The following VNN2 variants were observed in gnomAD, a reference collection of about 807,000 sequenced individuals.
The protein encoded by VNN2 is vanin 2, also known as pantetheine hydrolase VNN2.
A neutral mutation model predicts 43.0 loss-of-function variants in VNN2; 43 were observed. That is an observed-to-expected ratio of 1.00 (90% CI 0.78 to 1.29). The LOEUF (loss-of-function observed/expected upper bound fraction) is 1.29. VNN2 is among the 50% of genes most tolerant of loss of function. The pLI, the probability that VNN2 is intolerant of heterozygous loss-of-function variation, is 0.00. For synonymous variants in VNN2, 230 were observed against 224.3 expected, an observed-to-expected ratio of 1.03 and a Z score of -0.23; for missense variants, 652 against 619.7, an observed-to-expected ratio of 1.05 and a Z score of -0.55.
At chr6:132,759,239 C>A (rs1780670463), upstream of VNN2, among the ~76,000 whole-genome samples, 1 of 151,906 alleles carries the variant, frequency 6.6e-6, no homozygotes, top group African/African-American at 2.4e-5. Flanking sequence ...GAGTTCAAGA[C>A]CAGCCTGGCC....
In VNN2 at chr6:132,751,536, G is replaced by A; in HGVS notation, c.827-18C>T. The A allele has an allele frequency of 6.3e-7, 1 of 1,585,938 alleles. No homozygotes were observed. On this transcript the variant is annotated intron_variant, in intron 4 of 6. Coordinates refer to ENST00000326499, the MANE Select transcript of VNN2 (RefSeq NM_004665.6). ...ACCACTTCCTGTGAATGAAAGACAA[G>A]TCTTCTAAAAACAACACCACACACA...
At chr6:132,751,904 G>A (rs920731453) in intron 4 of VNN2, among the ~76,000 whole-genome samples, 1 of 152,122 alleles carries the variant, frequency 6.6e-6, no homozygotes, top group Non-Finnish European at 1.5e-5. Flanking sequence ...CTTCTTTCTG[G>A]TGGGAGGATC....
In VNN2 at chr6:132,755,861, G is replaced by A. The variant is rs761857785; in HGVS notation, c.519C>T (p.Leu173=). Residue 173 remains leucine, a synonymous_variant, in exon 3 of 7, where the codon CTC becomes CTT. Coordinates refer to ENST00000326499, the MANE Select transcript of VNN2 (RefSeq NM_004665.6). The part of the protein sequence containing the change: ...TNVVYNTEGK[L]VARYHKYHLY... ...CTCTTACCTTATGGTAACGTGCCAC[G>A]AGTTTTCCTTCTGTATTATACACCA... 9 of 1,612,436 alleles carry A rather than the reference G, an allele frequency of 5.6e-6. No individual in the cohort carries two copies. The highest frequency in any genetic ancestry group is 2.2e-5 in the East Asian group (1 of 44,862).
At chr6:132,758,039 C>CTTCTTCTTCTTCTTCTTCT (rs1488070973), upstream of VNN2, 24 of 165,014 alleles carry the variant, frequency 1.5e-4, no homozygotes, top group African/African-American at 3.5e-4. Flanking sequence ...TCTTCTTCTT[C>CTTCTTCTTCTTCTTCTTCT]TTTTTTTTTT....
At chr6:132,756,492 C>G (rs1346531012) in intron 2 of VNN2, among the ~76,000 whole-genome samples, 5 of 152,168 alleles carry the variant, frequency 3.3e-5, no homozygotes, top group African/African-American at 1.2e-4. Flanking sequence ...ACTTGTATCT[C>G]TATCACCCAA....
At position 132,751,227 on chromosome 6, in the gene VNN2, A is replaced by T. The variant is rs748667023; in HGVS notation, c.1118T>A (p.Met373Lys). 1.3e-5 allele frequency: 21 copies of T among 1,614,176 alleles called. No homozygotes were observed. Among genetic ancestry groups the T allele is most frequent in the Non-Finnish European group, 1.8e-5 (21 of 1,180,026 alleles). Residue 373 changes from methionine (M) to lysine (K), a missense_variant, in exon 5 of 7, where the codon ATG becomes AAG. Met to Lys is a moderately conservative substitution (Grantham distance 95). Transcript: ENST00000326499. ...KELCCHLSYR[M>K]LQKEENEVYV... is the part of the protein sequence containing the mutation. ...TACTTCATTCTCTTCTTTTTGTAACATTCTGTAGCTTAAATGACAGCAAAG... is the reference window on the plus strand; with the variant it reads ...TACTTCATTCTCTTCTTTTTGTAACTTTCTGTAGCTTAAATGACAGCAAAG...
intron 4 of VNN2, 106 bp downstream of exon 4, chr6:132,752,355 C>T: frequency 7.6e-7 from 1 of 1,314,320 alleles, no homozygotes; most frequent in Non-Finnish European, 1.0e-6. Flanking sequence ...ATGACAAACA[C>T]AGTAAGAATT....
upstream of VNN2, chr6:132,758,044 T>TA (rs1562254257): frequency 1.2e-5 from 5 of 403,320 alleles, no homozygotes; most frequent in Non-Finnish European, 1.6e-5. Flanking sequence ...TTCTTCTTTT[T>TA]TTTTTTTTTT....
intron 6 of VNN2, among the ~76,000 whole-genome samples, chr6:132,745,952 G>A (rs1294540861): frequency 6.6e-6 from 1 of 152,210 alleles, no homozygotes; most frequent in Non-Finnish European, 1.5e-5. Context: ...TAGGAAAACA[G>A]ATGCTTTACA....
intron 1 of VNN2, among the ~76,000 whole-genome samples, chr6:132,763,097 C>T (rs148610297): frequency 2.1e-4 from 32 of 152,102 alleles, no homozygotes; most frequent in African/African-American, 7.0e-4. Context: ...TTGGTAAAGT[C>T]GGGATGACTG....
At chr6:132,746,616 G>C (rs1015492004) in intron 6 of VNN2, among the ~76,000 whole-genome samples, 3 of 152,078 alleles carry the variant, frequency 2.0e-5, no homozygotes, top group African/African-American at 7.2e-5. Context: ...CAGCCCTAAA[G>C]AGAAGAATCA....
chr6:132,748,822 T>C (rs1432299885), intron 6 of VNN2, among the ~76,000 whole-genome samples: 1 of 152,216 alleles, frequency 6.6e-6, no homozygotes, highest in Non-Finnish European at 1.5e-5. Flanking sequence ...TCCTAGCTAC[T>C]CAGGAGGCTG....
Position 132,757,503 on chromosome 6 carries a change from C to T in VNN2, c.257G>A (p.Trp86Ter). 1 of 1,614,050 alleles carries T rather than the reference C, an allele frequency of 6.2e-7. No individual in the cohort carries two copies. Among genetic ancestry groups the T allele is most frequent in the African/African-American group, 1.3e-5 (1 of 75,044 alleles). ...IVTPEDALYGWKFTRETVFPY... is the reference protein window; with the variant it reads ...IVTPEDALYG ...GAAAACAGTTTCCCTGGTAAATTTCCATCCATAAAGTGCATCTTCTGGAGT... is the reference window on the plus strand; with the variant it reads ...GAAAACAGTTTCCCTGGTAAATTTCTATCCATAAAGTGCATCTTCTGGAGT... Residue 86 changes from tryptophan to a stop codon, truncating the protein, a stop_gained, in exon 2 of 7, where the codon TGG becomes TAG. Transcript: ENST00000326499. LOFTEE classifies it high-confidence loss of function.
intron 6 of VNN2, among the ~76,000 whole-genome samples, chr6:132,748,669 A>T: frequency 6.6e-6 from 1 of 152,234 alleles, no homozygotes; most frequent in African/African-American, 2.4e-5. Context: ...GTGTATGTGC[A>T]TGTGTGCAAG....
upstream of VNN2, among the ~76,000 whole-genome samples, chr6:132,759,201 C>G (rs1780668409): frequency 6.6e-6 from 1 of 151,990 alleles, no homozygotes; most frequent in East Asian, 1.9e-4. Context: ...CTTTGGGAGG[C>G]CGAGGCAGGC....
Position 132,755,882 on chromosome 6 carries a change from C to T in VNN2, c.498G>A (p.Val166=). 5 of 1,613,780 alleles carry T rather than the reference C, an allele frequency of 3.1e-6. No individual in the cohort carries two copies. The highest frequency in any genetic ancestry group is 4.2e-6 in the Non-Finnish European group (5 of 1,179,960). ...NGYFQYNTNV[V]YNTEGKLVAR... ...CCACGAGTTTTCCTTCTGTATTATA[C>T]ACCACATTGGTATTGTATTGAAAGT... Residue 166 remains valine, a synonymous_variant, in exon 3 of 7, where the codon GTG becomes GTA. Transcript: ENST00000326499.
At position 132,751,533 on chromosome 6, in the gene VNN2, C is replaced by A; in HGVS notation, c.827-15G>T. ...AATACCACTTCCTGTGAATGAAAGA[C>A]AAGTCTTCTAAAAACAACACCACAC... On this transcript the variant is annotated splice_polypyrimidine_tract_variant and intron_variant, in intron 4 of 6. Coordinates refer to ENST00000326499, the MANE Select transcript of VNN2 (RefSeq NM_004665.6). 6.3e-7 allele frequency: 1 copy of A among 1,587,830 alleles called. No homozygotes were observed. Among genetic ancestry groups the A allele is most frequent in the South Asian group, 1.1e-5 (1 of 87,276 alleles).
At position 132,744,502 on chromosome 6, in the gene VNN2, G is replaced by C. The variant is rs1471996298; in HGVS notation, c.1372-11C>G. 1 of 1,559,792 alleles carries C rather than the reference G, an allele frequency of 6.4e-7. No individual in the cohort carries two copies. Among genetic ancestry groups the C allele is most frequent in the East Asian group, 2.3e-5 (1 of 42,844 alleles). On this transcript the variant is annotated splice_polypyrimidine_tract_variant and intron_variant, in intron 6 of 6. Transcript: ENST00000326499. Reference sequence around the variant, plus strand: ...CCCATCTTTCAGCACCTAAAGAAAAGGTGGGAAAAGTACAGTCAGCTTTCT... The same window carrying C: ...CCCATCTTTCAGCACCTAAAGAAAACGTGGGAAAAGTACAGTCAGCTTTCT...
At chr6:132,751,095 C>T (rs769461091) in intron 5 of VNN2, 50 bp downstream of exon 5, 2 of 1,526,584 alleles carry the variant, frequency 1.3e-6, no homozygotes, top group East Asian at 4.5e-5. Flanking sequence ...AAAAAGTTAA[C>T]CTGGAATTTA....
Sources: allele counts gnomAD v4.1 joint callset (sites outside exome capture counted in the v4.1 genomes callset), GRCh38; gene constraint gnomAD v4.1.1; transcripts MANE v1.5; gene names NCBI Gene and HGNC (gene_info 2026-07-23, HGNC 2026-07-21).